EXOC1: variants seen among roughly 807,000 people sequenced by gnomAD.
EXOC1 encodes the protein exocyst complex component 1.
In EXOC1, 67 loss-of-function variants were observed where a neutral mutation model predicts 107.7. The ratio of observed to expected loss-of-function variants is 0.62; its 90% confidence interval spans 0.51 to 0.76. The LOEUF is 0.76. Ranked by LOEUF, EXOC1 falls within the 30% of genes least tolerant of loss-of-function variation. The probability of loss-of-function intolerance (pLI) is 0.00; values close to 1 mark genes in which losing one functional copy is unlikely to be tolerated. For missense variants in EXOC1, 833 were observed against 1,055.7 expected, an observed-to-expected ratio of 0.79 and a Z score of 2.92; for synonymous variants, 348 against 353.5, an observed-to-expected ratio of 0.98 and a Z score of 0.17.
At position 55,877,929 on chromosome 4, in the gene EXOC1, A is replaced by T. The variant is rs1227086442; in HGVS notation, c.1087A>T (p.Ser363Cys). ...NVFVQQGHDQSSTLAQHSVEL... is the reference protein window; with the variant it reads ...NVFVQQGHDQCSTLAQHSVEL... ...TTACTCACTTTAGGGTCATGATCAG[A>T]GTTCGACTCTTGCCCAACACTCTGT... Residue 363 changes from serine to cysteine, a missense_variant, in exon 9 of 19, where the codon AGT (serine) becomes TGT (cysteine). By Grantham distance (112) the Ser-to-Cys change is moderately radical. Transcript: ENST00000381295. 1 of 1,613,760 alleles carries T rather than the reference A, an allele frequency of 6.2e-7. No homozygotes were observed. Among genetic ancestry groups the T allele is most frequent in the East Asian group, 2.2e-5 (1 of 44,834 alleles).
chr4:55,892,402 C>A (rs1423689984), intron 13 of EXOC1, among the ~76,000 whole-genome samples: 1 of 152,126 alleles, frequency 6.6e-6, no homozygotes, highest in Non-Finnish European at 1.5e-5. Flanking sequence ...CACACAAATA[C>A]AACTTCTCAC....
chr4:55,876,997 C>A, intron 8 of EXOC1: 1 of 985,154 alleles, frequency 1.0e-6, no homozygotes, highest in African/African-American at 1.7e-5. Context: ...TTCCTCTAGG[C>A]CAGAAATGTT....
In EXOC1 at chr4:55,904,348, G is replaced by A. The variant is rs1025315971; in HGVS notation, c.2538G>A (p.Val846=). 3.7e-6 allele frequency: 6 copies of A among 1,603,088 alleles called. No homozygotes were observed. The highest frequency in any genetic ancestry group is 5.1e-6 in the Non-Finnish European group (6 of 1,176,082). ...LCEEENLLQV[V]WHSMQDEFIR... The stretch of plus-strand genomic sequence containing the variant: ...ACTTTTTTTTTTAATAATAGGTGGT[G>A]TGGCACTCCATGCAAGATGAATTTA... Residue 846 remains valine (V), a synonymous_variant, in exon 19 of 19, where the codon GTG becomes GTA. Transcript: ENST00000381295.
At chr4:55,871,992 C>T (rs1323619185) in intron 8 of EXOC1, 34 bp downstream of exon 8, 2 of 1,567,518 alleles carry the variant, frequency 1.3e-6, no homozygotes, top group Non-Finnish European at 8.8e-7. Context: ...CGAGCATGTT[C>T]CTATAGCTTA....
intron 9 of EXOC1, among the ~76,000 whole-genome samples, chr4:55,879,533 A>C (rs751034419): frequency 5.3e-5 from 8 of 152,156 alleles, no homozygotes; most frequent in Non-Finnish European, 1.2e-4. Context: ...ACTGTGCATG[A>C]CATTGCAGGG....
At chr4:55,877,107 A>T (rs535522475) in intron 8 of EXOC1, 2 of 976,988 alleles carry the variant, frequency 2.0e-6, no homozygotes, top group South Asian at 9.5e-5. Flanking sequence ...GGTGAAAGAA[A>T]TCCCTTTTAA....
intron 1 of EXOC1, among the ~76,000 whole-genome samples, chr4:55,854,933 C>T (rs940689154): frequency 2.0e-5 from 3 of 152,166 alleles, no homozygotes; most frequent in South Asian, 4.1e-4. Context: ...GCCCATTAGA[C>T]GGCAAATGCA....
intron 1 of EXOC1, 44 bp from the exon 2 acceptor site, chr4:55,858,270 T>G: frequency 6.6e-7 from 1 of 1,511,804 alleles, no homozygotes; most frequent in South Asian, 1.4e-5. Flanking sequence ...TAAGATGGAA[T>G]GATGTTGAGG....
At position 55,877,922 on chromosome 4, in the gene EXOC1, T is replaced by C. The variant is rs757840862; in HGVS notation, c.1080T>C (p.His360=). The change falls in exon 9 of 19, where the codon CAT becomes CAC. Residue 360 remains histidine, a synonymous_variant. Coordinates refer to ENST00000381295, the MANE Select transcript of EXOC1 (RefSeq NM_001024924.2). ...ACTTATTTTACTCACTTTAGGGTCA[T>C]GATCAGAGTTCGACTCTTGCCCAAC... The part of the protein sequence containing the change: ...HLNNVFVQQG[H]DQSSTLAQHS... 1.9e-6 allele frequency: 3 copies of C among 1,613,696 alleles called. No homozygotes were observed. Among genetic ancestry groups the C allele is most frequent in the Non-Finnish European group, 2.5e-6 (3 of 1,179,790 alleles).
chr4:55,871,079 G>T, intron 6 of EXOC1, 22 bp from the exon 7 acceptor site: 1 of 1,608,784 alleles, frequency 6.2e-7, no homozygotes. Flanking sequence ...ACATGCAAAT[G>T]GTGTGTTTGC....
chr4:55,876,575 G>A, intron 8 of EXOC1: 11 of 984,032 alleles, frequency 1.1e-5, no homozygotes, highest in Non-Finnish European at 1.1e-5. Context: ...TTACAGAAAG[G>A]GATTATGGAC....
chr4:55,870,531 A>G lies in EXOC1; in HGVS notation c.604-147A>G, dbSNP rs1722328573. On this transcript the variant is annotated intron_variant, in intron 5 of 18. Transcript: ENST00000381295. ...AACATAAAGTGATAAACTGAAGTAG[A>G]TGTGTAGGTATATATCAATTTTTGT... The G allele has an allele frequency of 1.4e-5, 9 of 655,870 alleles. No individual in the cohort carries two copies. In the South Asian group the frequency reaches 1.7e-4, roughly 13 times the overall value. The allele number at this position is 655,870 out of a possible 1,614,324, so 40.6% of individuals were successfully genotyped here.
At position 55,858,366 on chromosome 4, in the gene EXOC1, C is replaced by T; in HGVS notation, c.43C>T (p.Pro15Ser). ...TGCATTACAAAGAGACATTTTTACA[C>T]CAAATGATGAACGCCTGCTGAGCAT... The part of the protein sequence containing the change: ...KHALQRDIFT[P>S]NDERLLSIVN... Residue 15 changes from proline to serine, a missense_variant, in exon 2 of 19, where the codon CCA becomes TCA. Pro to Ser is a moderately conservative substitution (Grantham distance 74). Around this residue, in one of 2 missense-constraint regions of EXOC1, gnomAD observed 617 missense variants for 701.3 expected, o/e 0.88. Transcript: ENST00000381295. 1 of 1,609,766 alleles carries T rather than the reference C, an allele frequency of 6.2e-7. No homozygotes were observed. Among genetic ancestry groups the T allele is most frequent in the Non-Finnish European group, 8.5e-7 (1 of 1,178,184 alleles).
In EXOC1 at chr4:55,877,720, G is replaced by A. The variant is rs573774334; in HGVS notation, c.1075-197G>A. 7 of 985,300 alleles carry A rather than the reference G, an allele frequency of 7.1e-6. No homozygotes were observed. In the African/African-American group the frequency reaches 1.2e-4, roughly 17 times the overall value. The allele number at this position is 985,300 out of a possible 1,614,324, so 61.0% of individuals were successfully genotyped here. On this transcript the variant is annotated intron_variant, in intron 8 of 18. Coordinates refer to ENST00000381295, the MANE Select transcript of EXOC1 (RefSeq NM_001024924.2). ...GCGTATTTATGATTATCTTATGGTG[G>A]TAATGTTCATTTGATATACACAGGA...
intron 4 of EXOC1, among the ~76,000 whole-genome samples, chr4:55,867,200 G>T (rs1267694970): frequency 2.6e-5 from 4 of 152,146 alleles, no homozygotes; most frequent in Admixed American, 1.3e-4. Context: ...CATGACAGTT[G>T]AACTTTTTCG....
intron 10 of EXOC1, chr4:55,885,598 C>T (rs1028535718): frequency 6.6e-6 from 1 of 152,228 alleles, no homozygotes; most frequent in South Asian, 2.1e-4. Context: ...GAAAATTGTG[C>T]TCACTTTAGC....
chr4:55,866,912 CTTCTATTCCATATGTTTTTATTAG>C (rs1162930093), intron 4 of EXOC1: 1 of 984,486 alleles, frequency 1.0e-6, no homozygotes, highest in African/African-American at 1.7e-5. Context: ...ACCTTTTCTT[CTTCTATTCCATATGTTTTTATTAG>C]TTGCCTTTGT....
chr4:55,894,504 T>A (rs770330095), intron 15 of EXOC1, among the ~76,000 whole-genome samples: 21 of 151,950 alleles, frequency 1.4e-4, no homozygotes, highest in African/African-American at 1.9e-4. Context: ...TTTTAATAGT[T>A]TAGTAGCTTT....
In EXOC1 at chr4:55,904,527, A is replaced by G. The variant is rs975381355; in HGVS notation, c.*32A>G. On this transcript the variant is annotated 3_prime_UTR_variant, in exon 19 of 19. Transcript: ENST00000381295. The stretch of plus-strand genomic sequence containing the variant: ...TGAAAGAAGAAAAGATAACTGAATG[A>G]AGCATTTGAGTATAACAGACACTAT... 4.2e-5 allele frequency: 67 copies of G among 1,590,420 alleles called. No homozygotes were observed. Among genetic ancestry groups the G allele is most frequent in the Non-Finnish European group, 5.7e-5 (66 of 1,167,610 alleles).
Sources: allele counts gnomAD v4.1 joint callset (sites outside exome capture counted in the v4.1 genomes callset), GRCh38; gene constraint gnomAD v4.1.1; regional missense constraint gnomAD v4.1.1; transcripts MANE v1.5; gene names NCBI Gene and HGNC (gene_info 2026-07-23, HGNC 2026-07-21).